The following PTPRA variants were observed in gnomAD, a reference collection of about 807,000 sequenced individuals.
PTPRA encodes the protein protein tyrosine phosphatase receptor type A, also known as receptor-type tyrosine-protein phosphatase alpha.
Under a neutral mutation model 104.8 loss-of-function variants are expected in PTPRA, and 25 were observed. The observed-to-expected ratio is 0.24, with a 90% CI of 0.17 to 0.33. The LOEUF is 0.33. PTPRA is among the 10% of genes least tolerant of loss of function. The pLI is 1.00. For missense variants in PTPRA, 765 were observed against 1,015.3 expected, an observed-to-expected ratio of 0.75 and a Z score of 3.35; for synonymous variants, 323 against 368.9, an observed-to-expected ratio of 0.88 and a Z score of 1.43.
At chr20:3,019,197 G>A (rs1222164083) in intron 13 of PTPRA, among the ~76,000 whole-genome samples, 8 of 146,374 alleles carry the variant, frequency 5.5e-5, no homozygotes, top group Non-Finnish European at 1.1e-4. Context: ...CCGGCCGGGC[G>A]TGGGGCTGAC....
At position 3,035,291 on chromosome 20, in the gene PTPRA, C is replaced by T. The variant is rs969507369; in HGVS notation, c.1921-294C>T. On this transcript the variant is annotated intron_variant, in intron 20 of 23. Transcript: ENST00000399903. The surrounding 1 kb of genome is among the most constrained non-coding windows in gnomAD (Gnocchi z 5.8). ...TGGGAGAAAAAGAAAGGAATTGGAACAAAGATTTTCACTCGTCCTCCTCTC... is the reference window on the plus strand; with the variant it reads ...TGGGAGAAAAAGAAAGGAATTGGAATAAAGATTTTCACTCGTCCTCCTCTC... 6.6e-6 allele frequency among the ~76,000 whole-genome samples: 1 copy of T among 152,086 alleles called. No individual in the cohort carries two copies. Among genetic ancestry groups the T allele is most frequent in the Non-Finnish European group, 1.5e-5 (1 of 68,004 alleles).
At chr20:3,024,669 T>A (rs1338738739) in intron 17 of PTPRA, 48 bp downstream of exon 17, 1 of 1,605,138 alleles carries the variant, frequency 6.2e-7, no homozygotes, top group Non-Finnish European at 8.5e-7. Flanking sequence ...ATCCTTGTAA[T>A]CTGGGGAACA....
At chr20:2,866,455 G>C in the PTPRA span, 9 of 1,614,046 alleles carry the variant, frequency 5.6e-6, no homozygotes, top group Non-Finnish European at 7.6e-6. Flanking sequence ...TGCAGATGTG[G>C]CCATCGAACA....
intron 20 of PTPRA, among the ~76,000 whole-genome samples, chr20:3,031,387 A>G (rs983976294): frequency 1.3e-5 from 2 of 151,858 alleles, no homozygotes; most frequent in Admixed American, 6.6e-5. Flanking sequence ...CTTTTCTTCT[A>G]CTGGTCTTGA....
At position 3,000,339 on chromosome 20, in the gene PTPRA, A is replaced by G. The variant is rs140549165; in HGVS notation, c.739-4717A>G. On this transcript the variant is annotated intron_variant, in intron 9 of 23. Coordinates refer to ENST00000399903, the MANE Select transcript of PTPRA (RefSeq NM_001385305.1). Reference sequence around the variant, plus strand: ...GGGAAACCACTTGACTAGGTACTTCACGGAAGAGGAAACTCTTTTGACCAG... The same window carrying G: ...GGGAAACCACTTGACTAGGTACTTCGCGGAAGAGGAAACTCTTTTGACCAG... 2.1e-3 allele frequency among the ~76,000 whole-genome samples: 318 copies of G among 152,302 alleles called. 2 individuals are homozygous for G. Among genetic ancestry groups the G allele is most frequent in the African/African-American group, 4.3e-4 (18 of 41,572 alleles).
rs372860395 is a variant in PTPRA, at chr20:3,026,752, G to T, written c.1680G>T (p.Lys560Asn). ...MRTGNLPANM[K>N]KNRVLQIIPY... The stretch of plus-strand genomic sequence containing the variant: ...CTGGAAACCTTCCAGCCAACATGAA[G>T]AAGAACCGTGTTTTACAGATCATTC... Residue 560 changes from lysine (K) to asparagine (N), a missense_variant, in exon 18 of 24, where the codon AAG becomes AAT. This residue lies in a region of PTPRA where 192 missense variants were observed against 227.0 expected (regional missense o/e 0.85). Transcript: ENST00000399903. 1.9e-6 allele frequency: 3 copies of T among 1,612,420 alleles called. No individual in the cohort carries two copies. In the African/African-American group the frequency reaches 4.0e-5, roughly 22 times the overall value.
At chr20:2,932,460 G>C (rs1171949444) in intron 2 of PTPRA, among the ~76,000 whole-genome samples, 1 of 152,160 alleles carries the variant, frequency 6.6e-6, no homozygotes, top group Admixed American at 6.6e-5. Context: ...AGGGGTATGA[G>C]GGTTAGGGAT....
intron 11 of PTPRA, among the ~76,000 whole-genome samples, chr20:3,015,591 C>T (rs774654486): frequency 2.0e-5 from 3 of 152,142 alleles, no homozygotes; most frequent in Non-Finnish European, 4.4e-5. Context: ...CAGGTGTGAG[C>T]TACCACGCCT....
intron 1 of PTPRA, among the ~76,000 whole-genome samples, chr20:2,910,114 TG>T (rs2059615194): frequency 2.5e-5 from 3 of 119,190 alleles, no homozygotes; most frequent in African/African-American, 6.5e-5. Context: ...ATATAATATA[TG>T]ATGTATAGTA....
At chr20:2,914,460 T>TGC (rs1374438703) in intron 1 of PTPRA, among the ~76,000 whole-genome samples, 1 of 148,740 alleles carries the variant, frequency 6.7e-6, no homozygotes, top group South Asian at 2.4e-4. Flanking sequence ...TGTGTGTGTG[T>TGC]GTGTGTGTGT....
In PTPRA at chr20:3,022,919, A is replaced by G. The variant is rs2148438589; in HGVS notation, c.1464+95A>G. ...CACTCAGTCTCACAGGTTATTGTAA[A>G]TGATTACTATAGAGTGTGATTGTGG... is the stretch of plus-strand genomic sequence containing the variant. On this transcript the variant is annotated intron_variant, in intron 16 of 23. Coordinates refer to ENST00000399903, the MANE Select transcript of PTPRA (RefSeq NM_001385305.1). This position sits in a 1 kb window ranked among gnomAD's most constrained non-coding sequence, Gnocchi z 4.6. 3.2e-6 allele frequency: 5 copies of G among 1,539,708 alleles called. No individual in the cohort carries two copies. The South Asian group carries it at 4.9e-5, about 15-fold the overall frequency.
Position 2,912,539 on chromosome 20 carries a change from A to C in PTPRA, c.-128-10668A>C, listed in dbSNP as rs188111560. 5.9e-5 allele frequency among the ~76,000 whole-genome samples: 9 copies of C among 152,102 alleles called. No homozygotes were observed. In the East Asian group the frequency reaches 1.8e-3, roughly 30 times the overall value. On this transcript the variant is annotated intron_variant, in intron 1 of 23. Coordinates refer to ENST00000399903, the MANE Select transcript of PTPRA (RefSeq NM_001385305.1). ...CTTTGCAGGCTGAGGCAGGAGGATC[A>C]CTTAAGTCCAGGAGGTGGAGGTTGA...
intron 3 of PTPRA, among the ~76,000 whole-genome samples, chr20:2,956,862 G>A (rs2061555130): frequency 6.6e-6 from 1 of 152,190 alleles, no homozygotes; most frequent in African/African-American, 2.4e-5. Flanking sequence ...AAGTGGAATT[G>A]TGTCAGAGGG....
intron 17 of PTPRA, 76 bp downstream of exon 17, chr20:3,024,697 C>T (rs910183743): frequency 1.6e-5 from 25 of 1,540,092 alleles, no homozygotes; most frequent in Non-Finnish European, 2.1e-5. Context: ...CCTGACTGTG[C>T]ATTTGCCAAC....
chr20:3,009,927 C>T (rs115158233), intron 11 of PTPRA, among the ~76,000 whole-genome samples: 1,960 of 152,056 alleles, frequency 0.013, 38 homozygotes, highest in African/African-American at 0.043. Flanking sequence ...TGGCTTACTA[C>T]GACCTCTGCC....
At chr20:2,891,534 C>T (rs2058789545) in intron 1 of PTPRA, among the ~76,000 whole-genome samples, 1 of 152,196 alleles carries the variant, frequency 6.6e-6, no homozygotes, top group South Asian at 2.1e-4. Context: ...CTCCAGTCAG[C>T]ATTTCCTTAC....
At chr20:2,909,812 TAA>T (rs1409662858) in intron 1 of PTPRA, among the ~76,000 whole-genome samples, 4 of 127,434 alleles carry the variant, frequency 3.1e-5, no homozygotes, top group Non-Finnish European at 4.6e-5. Flanking sequence ...ATATATAATA[TAA>T]GATAATATAT....
chr20:2,878,325 A>G (rs1370120087), intron 1 of PTPRA, among the ~76,000 whole-genome samples: 1 of 152,086 alleles, frequency 6.6e-6, no homozygotes, highest in Non-Finnish European at 1.5e-5. Context: ...TGATCTTCCC[A>G]TCTCAGCCAC....
chr20:3,037,809 A>T lies in PTPRA; in HGVS notation c.2335-250A>T, dbSNP rs1399442094. On this transcript the variant is annotated intron_variant, in intron 23 of 23. Transcript: ENST00000399903. This position sits in a 1 kb window ranked among gnomAD's most constrained non-coding sequence, Gnocchi z 4.3. ...GCTGCACTGTCTCCCAGCCCAGCACATGCCTGTCTGACCTCTGTGGGGCCT... is the reference window on the plus strand; with the variant it reads ...GCTGCACTGTCTCCCAGCCCAGCACTTGCCTGTCTGACCTCTGTGGGGCCT... 1.3e-5 allele frequency among the ~76,000 whole-genome samples: 2 copies of T among 152,100 alleles called. No homozygotes were observed. The highest frequency in any genetic ancestry group is 4.8e-5 in the African/African-American group (2 of 41,414).
Sources: gnomAD v4.1 joint callset for allele counts (sites outside exome capture counted in the v4.1 genomes callset) on GRCh38, gnomAD v4.1.1 for gene constraint, gnomAD v4.1.1 regional missense constraint, Gnocchi (gnomAD v3.1) non-coding constraint, MANE v1.5 for transcripts, NCBI Gene and HGNC (gene_info 2026-07-23, HGNC 2026-07-21) for gene names.